Variants in CREBBP observed in about 807,000 individuals in gnomAD.
CREBBP encodes the protein CREB binding lysine acetyltransferase, also known as CREB-binding protein.
Under a neutral mutation model 265.0 loss-of-function variants are expected in CREBBP, and 19 were observed. The ratio of observed to expected loss-of-function variants is 0.07; its 90% CI spans 0.05 to 0.11. The LOEUF is 0.11. CREBBP is among the 10% of genes least tolerant of loss of function. The probability of loss-of-function intolerance (pLI) is 1.00; values close to 1 mark genes in which losing one functional copy is unlikely to be tolerated. For missense variants in CREBBP, 2,525 were observed against 3,219.0 expected (o/e 0.78, Z 5.22); for synonymous variants, 1,457 against 1,223.7 (o/e 1.19, Z -3.98).
intron 16 of CREBBP, among the ~76,000 whole-genome samples, chr16:3,762,337 G>A (rs187023340): frequency 2.0e-5 from 3 of 149,976 alleles, no homozygotes; most frequent in Non-Finnish European, 3.0e-5. Flanking sequence ...TTCAAATTCC[G>A]TGCTGAGGAG....
intron 1 of CREBBP, among the ~76,000 whole-genome samples, chr16:3,867,632 C>A (rs2055203187): frequency 6.6e-6 from 1 of 151,688 alleles, no homozygotes; most frequent in Non-Finnish European, 1.5e-5. Flanking sequence ...TAAAAGAAAG[C>A]CTGGGCCGAG....
At chr16:3,803,367 C>T (rs752645239) in intron 3 of CREBBP, among the ~76,000 whole-genome samples, 12 of 142,668 alleles carry the variant, frequency 8.4e-5, no homozygotes, top group Admixed American at 3.0e-4. Flanking sequence ...TAGCCAGGTG[C>T]GGTGGCGGGC....
At position 3,850,207 on chromosome 16, in the gene CREBBP, G is replaced by A. The variant is rs376051173; in HGVS notation, c.798+90C>T. Reference sequence around the variant, plus strand: ...GTGGAGAGCCCAAGAGGAAAAACAGGAGTGGGCCACGTGGTCCCATTTTAC... The same window carrying A: ...GTGGAGAGCCCAAGAGGAAAAACAGAAGTGGGCCACGTGGTCCCATTTTAC... On this transcript the variant is annotated intron_variant, in intron 2 of 30. Transcript: ENST00000262367. 35 of 1,307,720 alleles carry A rather than the reference G, an allele frequency of 2.7e-5. No homozygotes were observed. In the African/African-American group the frequency reaches 4.1e-4, roughly 15 times the overall value. 81.0% of individuals were successfully genotyped at this position (1,307,720 alleles called of 1,614,324 possible).
chr16:3,807,864 C>T (rs953409656), intron 3 of CREBBP, among the ~76,000 whole-genome samples: 3 of 152,202 alleles, frequency 2.0e-5, no homozygotes, highest in Non-Finnish European at 4.4e-5. Flanking sequence ...GAAGGCTGTT[C>T]CTGGGTCAGG....
chr16:3,877,811 T>C (rs143328962), intron 1 of CREBBP, among the ~76,000 whole-genome samples: 181 of 152,350 alleles, frequency 1.2e-3, no homozygotes, highest in African/African-American at 4.1e-3. Context: ...ATGACCCAAC[T>C]TAAGTATGAT....
chr16:3,778,856 TC>T, intron 8 of CREBBP, 39 bp from the exon 9 acceptor site: 1 of 1,575,402 alleles, frequency 6.3e-7, no homozygotes, highest in Non-Finnish European at 8.7e-7. Context: ...CTTTTTTTTT[TC>T]TTCTTTTTTT....
chr16:3,836,900 T>C (rs1338328493), intron 2 of CREBBP, among the ~76,000 whole-genome samples: 2 of 152,196 alleles, frequency 1.3e-5, no homozygotes, highest in Non-Finnish European at 2.9e-5. Flanking sequence ...CATAAGGCAT[T>C]ACTCAGGTGT....
rs575360111 is a variant in CREBBP at position 3,745,648 on chromosome 16, A to T, written c.3837-294T>A. On this transcript the variant is annotated intron_variant, in intron 21 of 30. Transcript: ENST00000262367. ...TTTTAAAAATTGCTGCGACAAATAC[A>T]TATTTCACAGGCCGGTATTTCTGAC... The T allele has an allele frequency of 6.5e-6, 3 of 461,728 alleles. No homozygotes were observed. In the Admixed American group the frequency reaches 1.0e-4, roughly 16 times the overall value. The allele number at this position is 461,728 out of a possible 1,614,324, so 28.6% of individuals were successfully genotyped here. A position where few individuals can be genotyped will look rare whatever the true frequency, so the allele number is the denominator to read the frequency against.
chr16:3,777,854 C>G (rs2053181086), intron 10 of CREBBP, 157 bp downstream of exon 10: 1 of 1,088,592 alleles, frequency 9.2e-7, no homozygotes, highest in Non-Finnish European at 1.4e-6. Context: ...TGTCCCAACA[C>G]AGCCTGAGGC....
chr16:3,880,252 G>T lies in CREBBP; in HGVS notation c.-336C>A, dbSNP rs1233076283. The stretch of plus-strand genomic sequence containing the variant: ...CCGGCCGCCCCCCCGGGCCCGGCTG[G>T]CAGCGACGGCGCCCGGCCGGGCGGC... On this transcript the variant is annotated 5_prime_UTR_variant, in exon 1 of 31. Coordinates refer to ENST00000262367, the MANE Select transcript of CREBBP (RefSeq NM_004380.3). The T allele has an allele frequency of 1.2e-4, 17 of 142,016 alleles. No homozygotes were observed. Among genetic ancestry groups the T allele is most frequent in the African/African-American group, 4.3e-4 (17 of 39,362 alleles). 8.8% of individuals were successfully genotyped at this position (142,016 alleles called of 1,614,324 possible). A position where few individuals can be genotyped will look rare whatever the true frequency, so the allele number is the denominator to read the frequency against.
intron 3 of CREBBP, among the ~76,000 whole-genome samples, chr16:3,799,971 C>T (rs9936092): frequency 4.0e-5 from 6 of 151,670 alleles, no homozygotes; most frequent in Non-Finnish European, 7.4e-5. Context: ...CAAAATCAGA[C>T]GAATCAGTAA....
intron 2 of CREBBP, among the ~76,000 whole-genome samples, chr16:3,849,425 GTGTGTGTGTGTGTGTGTGTGTGT>G (rs1567360065): frequency 0.037 from 394 of 10,514 alleles, 13 homozygotes; most frequent in East Asian, 0.14. Flanking sequence ...GTGTGTGTGT[GTGTGTGTGTGTGTGTGTGTGTGT>G]GTGTGTGTGT....
chr16:3,745,249 GC>G, intron 22 of CREBBP, 27 bp downstream of exon 22: 1 of 1,603,306 alleles, frequency 6.2e-7, no homozygotes, highest in Non-Finnish European at 8.5e-7. Context: ...GTGCAGAACT[GC>G]CCTCCAGGCC....
At chr16:3,812,153 C>T (rs968157139) in intron 2 of CREBBP, among the ~76,000 whole-genome samples, 5 of 152,000 alleles carry the variant, frequency 3.3e-5, no homozygotes, top group African/African-American at 7.3e-5. Context: ...AGTATCCTCT[C>T]TACCACTGTA....
At chr16:3,841,520 A>G (rs2054566631) in intron 2 of CREBBP, among the ~76,000 whole-genome samples, 1 of 152,132 alleles carries the variant, frequency 6.6e-6, no homozygotes, top group Non-Finnish European at 1.5e-5. Flanking sequence ...GCACACCTAT[A>G]GTACCAGCTA....
At chr16:3,783,847 T>TTCCAAGGTAATGGAGAGACAAC (rs1241648673) in intron 5 of CREBBP, among the ~76,000 whole-genome samples, 1 of 152,180 alleles carries the variant, frequency 6.6e-6, no homozygotes, top group Non-Finnish European at 1.5e-5. Flanking sequence ...CCCAAAGGGC[T>TTCCAAGGTAATGGAGAGACAAC]TCCAAGGTAA....
intron 23 of CREBBP, chr16:3,743,779 G>A (rs1201953871): frequency 1.3e-5 from 2 of 151,974 alleles, no homozygotes; most frequent in East Asian, 3.9e-4. Flanking sequence ...ATGCAATGTG[G>A]TCTTAAAAAA....
Position 3,826,838 on chromosome 16 carries a change from C to G in CREBBP, c.799-16059G>C, listed in dbSNP as rs563790065. On this transcript the variant is annotated intron_variant, in intron 2 of 30. Coordinates refer to ENST00000262367, the MANE Select transcript of CREBBP (RefSeq NM_004380.3). ...AAAGGAAATTTGATTAAAGTATGGA[C>G]TTCAGTTAATCACAAGTATCAGTAT... 2.6e-5 allele frequency among the ~76,000 whole-genome samples: 4 copies of G among 152,256 alleles called. No individual in the cohort carries two copies. The East Asian group carries it at 7.7e-4, about 29-fold the overall frequency.
intron 2 of CREBBP, among the ~76,000 whole-genome samples, chr16:3,832,978 A>G (rs1301233991): frequency 6.6e-6 from 1 of 152,222 alleles, no homozygotes. Context: ...CAAAAGACTC[A>G]GCAAACTAGA....
Sources: gnomAD v4.1 joint callset for allele counts (sites outside exome capture counted in the v4.1 genomes callset) on GRCh38, gnomAD v4.1.1 for gene constraint, MANE v1.5 for transcripts, NCBI Gene and HGNC (gene_info 2026-07-23, HGNC 2026-07-21) for gene names.